Variants in C3orf70 observed in about 807,000 individuals in gnomAD.
The protein encoded by C3orf70 is chromosome 3 open reading frame 70.
Under a neutral mutation model 20.7 loss-of-function variants are expected in C3orf70, and 15 were observed. That is an observed-to-expected ratio of 0.72 (90% confidence interval 0.48 to 1.11). The LOEUF (loss-of-function observed/expected upper bound fraction) is 1.11. Among genes scored for constraint, C3orf70 ranks in the 50% most tolerant of loss-of-function variants. C3orf70 has a pLI of 0.00. For missense variants in C3orf70, 332 were observed against 317.6 expected (o/e 1.05, Z -0.34); for synonymous variants, 161 against 125.7 (o/e 1.28, Z -1.88).
At chr3:185,084,351 T>A (rs942818138) in intron 1 of C3orf70, among the ~76,000 whole-genome samples, 2 of 152,048 alleles carry the variant, frequency 1.3e-5, no homozygotes, top group Admixed American at 6.6e-5. Flanking sequence ...GTGTCTATGT[T>A]CTAATTATAA....
chr3:185,081,615 G>A lies in C3orf70; in HGVS notation c.*1392C>T, dbSNP rs1715338812. On this transcript the variant is annotated 3_prime_UTR_variant, in exon 2 of 2. Coordinates refer to ENST00000335012, the MANE Select transcript of C3orf70 (RefSeq NM_001025266.3). ...ACTATGCCTCATGGATAGAAGGTTT[G>A]GAGAAATAGCAGTTAACTGACTCAC... is the stretch of plus-strand genomic sequence containing the variant. 1 of 152,318 alleles carries A rather than the reference G, an allele frequency of 6.6e-6. No homozygotes were observed. The highest frequency in any genetic ancestry group is 1.5e-5 in the Non-Finnish European group (1 of 68,032). The allele number at this position is 152,318 out of a possible 1,614,324, so 9.4% of individuals were successfully genotyped here.
intron 1 of C3orf70, among the ~76,000 whole-genome samples, chr3:185,149,115 G>A (rs1716932528): frequency 6.6e-6 from 1 of 152,184 alleles, no homozygotes; most frequent in African/African-American, 2.4e-5. Context: ...AGTATGGGCT[G>A]GGCATGGTGG....
rs779948016 is a variant in C3orf70 at position 185,150,238 on chromosome 3, G to C, written c.196+2390C>G. Among the ~76,000 whole-genome samples, 95 of 152,292 alleles carry C rather than the reference G, an allele frequency of 6.2e-4. 2 individuals are homozygous for C. The highest frequency in any genetic ancestry group is 8.3e-4 in the South Asian group (4 of 4,822). On this transcript the variant is annotated intron_variant, in intron 1 of 1. Coordinates refer to ENST00000335012, the MANE Select transcript of C3orf70 (RefSeq NM_001025266.3). ...ATTAATGAATTGCTATCAACCTGAA[G>C]GGCAGTTCTACCCGCAAGCTTCAGG...
chr3:185,145,687 A>G (rs1290608425), intron 1 of C3orf70, among the ~76,000 whole-genome samples: 1 of 152,210 alleles, frequency 6.6e-6, no homozygotes, highest in African/African-American at 2.4e-5. Flanking sequence ...TTTGATATAC[A>G]TTTGCCACAG....
chr3:185,152,500 G>C (rs1019924012), intron 1 of C3orf70, 128 bp downstream of exon 1: 1 of 738,776 alleles, frequency 1.4e-6, no homozygotes, highest in Non-Finnish European at 1.9e-6. Flanking sequence ...GGCGGCCCCA[G>C]CCTCCGGCAG....
chr3:185,114,535 A>T (rs376162177), intron 1 of C3orf70, among the ~76,000 whole-genome samples: 3 of 152,298 alleles, frequency 2.0e-5, no homozygotes, highest in East Asian at 3.9e-4. Flanking sequence ...TCAGAAACCT[A>T]TCCTAAAATG....
chr3:185,089,680 C>A (rs965814454), intron 1 of C3orf70, among the ~76,000 whole-genome samples: 6 of 152,152 alleles, frequency 3.9e-5, no homozygotes, highest in African/African-American at 1.2e-4. Context: ...AACTCATTAA[C>A]TTATCTTTAA....
chr3:185,110,908 G>A (rs1716057560), intron 1 of C3orf70, among the ~76,000 whole-genome samples: 1 of 152,180 alleles, frequency 6.6e-6, no homozygotes, highest in South Asian at 2.1e-4. Context: ...AAATATGTGT[G>A]TAAATCTCTG....
intron 1 of C3orf70, among the ~76,000 whole-genome samples, chr3:185,146,351 G>A (rs35841237): frequency 0.068 from 9,192 of 134,386 alleles, 385 homozygotes; most frequent in South Asian, 0.11. Context: ...GCAATGGCGC[G>A]ATCTTGGCTC....
chr3:185,151,257 A>G (rs1207410707), intron 1 of C3orf70, among the ~76,000 whole-genome samples: 1 of 152,228 alleles, frequency 6.6e-6, no homozygotes, highest in Non-Finnish European at 1.5e-5. Flanking sequence ...GACACTGTCA[A>G]AATAAGACAG....
intron 1 of C3orf70, among the ~76,000 whole-genome samples, chr3:185,084,333 C>T (rs988084806): frequency 1.3e-5 from 2 of 152,016 alleles, no homozygotes; most frequent in Non-Finnish European, 2.9e-5. Flanking sequence ...GAGATTTTCA[C>T]TTTCCAGGTG....
Position 185,077,789 on chromosome 3 carries a change from T to TTGGG in C3orf70, c.*5217_*5218insCCCA, listed in dbSNP as rs367783833. Among the ~76,000 whole-genome samples the TTGGG allele has an allele frequency of 8.1e-6, 1 of 124,180 alleles. No homozygotes were observed. Among genetic ancestry groups the TTGGG allele is most frequent in the Admixed American group, 8.3e-5 (1 of 11,994 alleles). 81.5% of individuals were successfully genotyped at this position (124,180 alleles called of 152,430 possible). ...TGAAATAAATGCTATTTGGTGGTGG[T>TTGGG]GGGGGGGGGGTATCAAGTTTTATTT... On this transcript the variant is annotated 3_prime_UTR_variant, in exon 2 of 2. Coordinates refer to ENST00000335012, the MANE Select transcript of C3orf70 (RefSeq NM_001025266.3).
chr3:185,083,383 A>G lies in C3orf70; in HGVS notation c.377T>C (p.Ile126Thr). Reference protein sequence around the residue: ...LPPDSPRYCMISDLFIDNYQV... With the variant: ...LPPDSPRYCMTSDLFIDNYQV... ...ATAGTTGTCAATAAAAAGGTCTGAA[A>G]TCATACAGTACCTCGGTGAGTCAGG... Residue 126 changes from isoleucine to threonine, a missense_variant, in exon 2 of 2, where the codon ATT (isoleucine) becomes ACT (threonine). Physicochemically the swap from Ile to Thr is moderately conservative, Grantham distance 89. Transcript: ENST00000335012. 3 of 1,614,174 alleles carry G rather than the reference A, an allele frequency of 1.9e-6. No individual in the cohort carries two copies. Among genetic ancestry groups the G allele is most frequent in the Non-Finnish European group, 2.5e-6 (3 of 1,180,036 alleles).
chr3:185,119,786 G>C (rs192043964), intron 1 of C3orf70, among the ~76,000 whole-genome samples: 161 of 152,040 alleles, frequency 1.1e-3, no homozygotes, highest in African/African-American at 3.7e-3. Context: ...AGCACTTTGG[G>C]AGGACAAGGT....
intron 1 of C3orf70, among the ~76,000 whole-genome samples, chr3:185,105,347 A>G (rs1238996058): frequency 6.6e-6 from 1 of 152,232 alleles, no homozygotes; most frequent in Non-Finnish European, 1.5e-5. Context: ...GAGGGCAAGG[A>G]ACACCTGGCC....
chr3:185,091,688 A>AC lies in C3orf70; in HGVS notation c.197-8126dup, dbSNP rs1210082310. Among the ~76,000 whole-genome samples, 75 of 144,790 alleles carry AC rather than the reference A, an allele frequency of 5.2e-4. 1 individual carries two copies. Among genetic ancestry groups the AC allele is most frequent in the African/African-American group, 1.9e-3 (75 of 38,634 alleles). The allele number at this position is 144,790 out of a possible 152,430, so 95.0% of individuals were successfully genotyped here. A position where few individuals can be genotyped will look rare whatever the true frequency, so the allele number is the denominator to read the frequency against. On this transcript the variant is annotated intron_variant, in intron 1 of 1. Transcript: ENST00000335012. ...CAGCTCTGCTGCTTGGAGCCATTTT[A>AC]CTTTTTTTTTTTTGGAGGCAGAGTC... is the stretch of plus-strand genomic sequence containing the variant.
chr3:185,100,140 C>G (rs58537319), intron 1 of C3orf70, among the ~76,000 whole-genome samples: 14 of 151,810 alleles, frequency 9.2e-5, no homozygotes, highest in Admixed American at 2.0e-4. Flanking sequence ...ATTAGATCAC[C>G]GAGGCAAAAA....
chr3:185,099,926 A>T (rs1036085864), intron 1 of C3orf70, among the ~76,000 whole-genome samples: 5 of 152,184 alleles, frequency 3.3e-5, no homozygotes, highest in African/African-American at 1.2e-4. Context: ...TTTCACATAA[A>T]ACACCCTTTC....
chr3:185,086,111 C>T (rs1313368671), intron 1 of C3orf70, among the ~76,000 whole-genome samples: 1 of 152,160 alleles, frequency 6.6e-6, no homozygotes, highest in Non-Finnish European at 1.5e-5. Context: ...ATCCTCAGAT[C>T]CAGAGGGAAC....
Sources: allele counts gnomAD v4.1 joint callset (sites outside exome capture counted in the v4.1 genomes callset), GRCh38; gene constraint gnomAD v4.1.1; transcripts MANE v1.5; gene names NCBI Gene and HGNC (gene_info 2026-07-23, HGNC 2026-07-21).